THRB: variants seen among roughly 807,000 people sequenced by gnomAD.
The protein encoded by THRB is thyroid hormone receptor beta, also known as nuclear receptor subfamily 1 group A member 2.
THRB carries 12 observed loss-of-function variants against 47.8 expected under a neutral mutation model. The observed-to-expected ratio is 0.25, with a 90% CI of 0.16 to 0.41. The LOEUF is 0.41. Among genes scored for constraint, THRB ranks in the 10% least tolerant of loss-of-function variants. The pLI is 1.00. For missense variants in THRB, 348 were observed against 589.2 expected (o/e 0.59, Z 4.24); for synonymous variants, 218 against 212.2 (o/e 1.03, Z -0.24).
Position 24,143,640 on chromosome 3 carries a change from C to T in THRB, c.599G>A (p.Arg200Gln). ...KLIEENREKR[R>Q]REELQKSIGH... ...GATGGACTTCTGCAGCTCTTCCCGC[C>T]GTCTTTTCTCCCGGTTCTCCTCTAT... The change falls in exon 8 of 11, where the codon CGG becomes CAG. Residue 200 changes from arginine (R) to glutamine (Q), a missense_variant. Coordinates refer to ENST00000646209, the MANE Select transcript of THRB (RefSeq NM_001354712.2). 4 of 1,614,182 alleles carry T rather than the reference C, an allele frequency of 2.5e-6. No homozygotes were observed. Among genetic ancestry groups the T allele is most frequent in the Non-Finnish European group, 2.5e-6 (3 of 1,180,028 alleles).
At chr3:24,320,897 C>A (rs1029748449) in intron 2 of THRB, among the ~76,000 whole-genome samples, 1 of 151,958 alleles carries the variant, frequency 6.6e-6, no homozygotes, top group African/African-American at 2.4e-5. Flanking sequence ...TGGGTCTCAC[C>A]AATTAGACTG....
intron 1 of THRB, among the ~76,000 whole-genome samples, chr3:24,492,438 G>C (rs1698293773): frequency 6.6e-6 from 1 of 152,250 alleles, no homozygotes; most frequent in African/African-American, 2.4e-5. Context: ...CAAGTGGTCA[G>C]GGAAGGGCTT....
chr3:24,344,299 T>G (rs933299179), intron 1 of THRB, among the ~76,000 whole-genome samples: 1 of 152,098 alleles, frequency 6.6e-6, no homozygotes, highest in African/African-American at 2.4e-5. Flanking sequence ...GGTTGGCATT[T>G]GAATGTCACT....
At chr3:24,140,699 T>C (rs541492351) in intron 8 of THRB, among the ~76,000 whole-genome samples, 34 of 152,302 alleles carry the variant, frequency 2.2e-4, no homozygotes, top group African/African-American at 7.9e-4. Flanking sequence ...TAAATATCAC[T>C]TCTGCCAAAA....
At chr3:24,420,291 A>G (rs142656241) in intron 1 of THRB, among the ~76,000 whole-genome samples, 1 of 151,958 alleles carries the variant, frequency 6.6e-6, no homozygotes, top group Non-Finnish European at 1.5e-5. Flanking sequence ...AGAGCAGTCA[A>G]CTCAGCATGG....
chr3:24,201,997 C>G (rs1056299321), intron 4 of THRB, among the ~76,000 whole-genome samples: 1 of 152,108 alleles, frequency 6.6e-6, no homozygotes, highest in African/African-American at 2.4e-5. Flanking sequence ...TATGAGGAAC[C>G]TGGAGCACAG....
chr3:24,241,292 G>A lies in THRB; in HGVS notation c.-42-12291C>T, dbSNP rs117982370. ...AATCATCTGAGGAGCTTTGCTCACC[G>A]TCTCCAGGCCTGGGCCCAATAATGC... On this transcript the variant is annotated intron_variant, in intron 3 of 10. Transcript: ENST00000646209. 3.0e-3 allele frequency among the ~76,000 whole-genome samples: 452 copies of A among 152,262 alleles called. 10 individuals carry two copies. Among genetic ancestry groups the A allele is most frequent in the East Asian group, 0.029 (149 of 5,162 alleles).
intron 3 of THRB, among the ~76,000 whole-genome samples, chr3:24,264,914 G>C (rs1198108551): frequency 6.6e-6 from 1 of 152,168 alleles, no homozygotes; most frequent in African/African-American, 2.4e-5. Context: ...GGAATTGTGG[G>C]TGATGAGGTA....
At chr3:24,235,442 C>A (rs1462521817) in intron 3 of THRB, among the ~76,000 whole-genome samples, 3 of 152,124 alleles carry the variant, frequency 2.0e-5, no homozygotes, top group African/African-American at 7.2e-5. Flanking sequence ...CCTTTTGTGG[C>A]CTTTTCAAAC....
At chr3:24,179,277 G>A (rs1173751271) in intron 5 of THRB, among the ~76,000 whole-genome samples, 4 of 149,730 alleles carry the variant, frequency 2.7e-5, no homozygotes, top group Non-Finnish European at 4.4e-5. Flanking sequence ...AGGCATCAAC[G>A]TTAAACTTCC....
intron 4 of THRB, among the ~76,000 whole-genome samples, chr3:24,195,366 C>T (rs527266955): frequency 4.6e-5 from 7 of 152,250 alleles, no homozygotes; most frequent in South Asian, 4.2e-4. Context: ...TTCTCCTTAT[C>T]GCCCTTAGTT....
chr3:24,223,888 G>C (rs1228800693), intron 4 of THRB, among the ~76,000 whole-genome samples: 1 of 142,876 alleles, frequency 7.0e-6, no homozygotes, highest in Non-Finnish European at 1.5e-5. Flanking sequence ...CAATCAATGT[G>C]TGTGTGGGGG....
intron 1 of THRB, among the ~76,000 whole-genome samples, chr3:24,426,979 A>G (rs1041077210): frequency 2.6e-5 from 4 of 152,024 alleles, no homozygotes; most frequent in Non-Finnish European, 4.4e-5. Context: ...TCTTTAAAAT[A>G]TTAAGCTCAT....
At chr3:24,385,548 T>C (rs1382104416) in intron 1 of THRB, among the ~76,000 whole-genome samples, 4 of 152,136 alleles carry the variant, frequency 2.6e-5, no homozygotes, top group Non-Finnish European at 4.4e-5. Flanking sequence ...AATCTGCCTT[T>C]AAATCCTTGA....
chr3:24,384,756 T>C (rs2065963141), intron 1 of THRB, among the ~76,000 whole-genome samples: 1 of 152,124 alleles, frequency 6.6e-6, no homozygotes, highest in South Asian at 2.1e-4. Context: ...TAAATACATT[T>C]CAGAATTTAT....
chr3:24,210,173 G>T (rs754731980), intron 4 of THRB, among the ~76,000 whole-genome samples: 7 of 152,164 alleles, frequency 4.6e-5, no homozygotes, highest in Non-Finnish European at 8.8e-5. Flanking sequence ...TTGGCAATTT[G>T]CTTCCTGGGA....
intron 3 of THRB, among the ~76,000 whole-genome samples, chr3:24,274,373 AG>A (rs1469659880): frequency 1.3e-5 from 2 of 152,198 alleles, no homozygotes; most frequent in African/African-American, 4.8e-5. Flanking sequence ...AGGGTTACCT[AG>A]GGAAGCAAAA....
At chr3:24,176,154 C>A (rs924647925) in intron 5 of THRB, among the ~76,000 whole-genome samples, 1 of 152,022 alleles carries the variant, frequency 6.6e-6, no homozygotes, top group African/African-American at 2.4e-5. Flanking sequence ...GAAAAAAATG[C>A]TCTTCGATAT....
chr3:24,270,632 CGGG>C (rs1206511658), intron 3 of THRB, among the ~76,000 whole-genome samples: 2 of 152,146 alleles, frequency 1.3e-5, no homozygotes, highest in Non-Finnish European at 2.9e-5. Context: ...AGACAGCTAA[CGGG>C]GGTCAGTTCA....
Sources: allele counts gnomAD v4.1 joint callset (sites outside exome capture counted in the v4.1 genomes callset), GRCh38; gene constraint gnomAD v4.1.1; transcripts MANE v1.5; gene names NCBI Gene and HGNC (gene_info 2026-07-23, HGNC 2026-07-21).